Variants in PTPDC1 observed in about 807,000 individuals in gnomAD.
PTPDC1 encodes protein tyrosine phosphatase domain containing 1, also known as protein tyrosine phosphatase domain-containing protein 1.
PTPDC1 carries 53 observed loss-of-function variants against 75.3 expected under a neutral mutation model. The ratio of observed to expected loss-of-function variants is 0.70; its 90% CI spans 0.56 to 0.88. The LOEUF (loss-of-function observed/expected upper bound fraction) is 0.88. PTPDC1 is among the 40% of genes least tolerant of loss of function. PTPDC1 has a pLI of 0.00. For missense variants in PTPDC1, 925 were observed against 998.6 expected (o/e 0.93, Z 0.99); for synonymous variants, 349 against 366.2 (o/e 0.95, Z 0.54).
At chr9:94,096,148 T>C (rs1827557486) in intron 5 of PTPDC1, among the ~76,000 whole-genome samples, 1 of 152,222 alleles carries the variant, frequency 6.6e-6, no homozygotes, top group Non-Finnish European at 1.5e-5. Context: ...ATGAAGGCCG[T>C]AGGGCTGAAA....
intron 1 of PTPDC1, among the ~76,000 whole-genome samples, chr9:94,046,412 T>C (rs572492711): frequency 7.1e-4 from 108 of 152,332 alleles, no homozygotes; most frequent in African/African-American, 2.6e-3. Flanking sequence ...GGGGATGGCA[T>C]TGAATCTATA....
At chr9:94,077,349 G>T (rs1826729122) in intron 2 of PTPDC1, among the ~76,000 whole-genome samples, 3 of 152,156 alleles carry the variant, frequency 2.0e-5, no homozygotes, top group Admixed American at 1.3e-4. Context: ...GATAGTGTCA[G>T]ATCCAACAGG....
chr9:94,053,931 C>T lies in PTPDC1; in HGVS notation c.-6-10803C>T, dbSNP rs142863939. 2.1e-3 allele frequency among the ~76,000 whole-genome samples: 325 copies of T among 152,254 alleles called. 1 individual carries two copies. The highest frequency in any genetic ancestry group is 4.9e-4 in the Non-Finnish European group (33 of 68,018). On this transcript the variant is annotated intron_variant, in intron 1 of 9. Coordinates refer to the PTPDC1 transcript ENST00000375360. Reference sequence around the variant, plus strand: ...GTTCCTACCTTACAGATGAAAAAGCCGGCATTCAGAGAGATTAAGTGATGA... The same window carrying T: ...GTTCCTACCTTACAGATGAAAAAGCTGGCATTCAGAGAGATTAAGTGATGA...
In PTPDC1 at chr9:94,104,281, C is replaced by G. The variant is rs777493700; in HGVS notation, c.2206C>G (p.His736Asp). ...TTGATTTCTACAAAAACAGGGACAG[C>G]ACCAGACTATTCTCTGCGTGTTGCA... is the stretch of plus-strand genomic sequence containing the variant. ...EALFLLEKGQ[H>D]QTILCVLHCI... The change falls in exon 8 of 9, where the codon CAC (histidine) becomes GAC (aspartate). Residue 736 changes from histidine to aspartate, a missense_variant. Transcript: ENST00000620992. 6.2e-7 allele frequency: 1 copy of G among 1,611,294 alleles called. No homozygotes were observed. Among genetic ancestry groups the G allele is most frequent in the East Asian group, 2.2e-5 (1 of 44,848 alleles).
chr9:94,104,202 T>A, intron 7 of PTPDC1, 73 bp from the exon 8 acceptor site: 1 of 967,656 alleles, frequency 1.0e-6, no homozygotes, highest in Non-Finnish European at 1.6e-6. Context: ...TTCTTGACTC[T>A]ACGATAGTTT....
intron 2 of PTPDC1, among the ~76,000 whole-genome samples, chr9:94,077,447 G>T (rs1301703446): frequency 5.3e-5 from 8 of 152,270 alleles, no homozygotes; most frequent in African/African-American, 1.9e-4. Flanking sequence ...TGACTGACTG[G>T]CTATAAATTG....
At chr9:94,061,667 G>T (rs1826143459) in intron 1 of PTPDC1, among the ~76,000 whole-genome samples, 1 of 152,370 alleles carries the variant, frequency 6.6e-6, no homozygotes, top group East Asian at 1.9e-4. Context: ...CTTACGGCCT[G>T]CACCTTCTTA....
At chr9:94,077,618 T>C (rs1826737986) in intron 2 of PTPDC1, among the ~76,000 whole-genome samples, 1 of 152,232 alleles carries the variant, frequency 6.6e-6, no homozygotes, top group African/African-American at 2.4e-5. Flanking sequence ...AGAGCATCCA[T>C]GCTGACCCCA....
At chr9:94,079,969 C>T (rs149126377), upstream of PTPDC1, among the ~76,000 whole-genome samples, 37 of 152,300 alleles carry the variant, frequency 2.4e-4, no homozygotes, top group African/African-American at 6.7e-4. Flanking sequence ...CCAGCAGTGG[C>T]GAAGCCTGAG....
At chr9:94,103,033 C>T (rs761795851) in intron 7 of PTPDC1, among the ~76,000 whole-genome samples, 1 of 143,658 alleles carries the variant, frequency 7.0e-6, no homozygotes, top group Non-Finnish European at 1.5e-5. Context: ...GACACATGGA[C>T]GGATGCACAT....
intron 8 of PTPDC1, among the ~76,000 whole-genome samples, chr9:94,106,971 T>G (rs1828045432): frequency 6.6e-6 from 1 of 152,076 alleles, no homozygotes; most frequent in South Asian, 2.1e-4. Context: ...GTTTGTTTTT[T>G]GAGACAAGGT....
upstream of PTPDC1, among the ~76,000 whole-genome samples, chr9:94,082,623 G>T (rs1474457192): frequency 6.6e-6 from 1 of 152,160 alleles, no homozygotes; most frequent in Non-Finnish European, 1.5e-5. Context: ...CCTCATCAAT[G>T]CAAGGTATAT....
At chr9:94,086,429 A>T (rs910701982) in intron 2 of PTPDC1, among the ~76,000 whole-genome samples, 7 of 152,142 alleles carry the variant, frequency 4.6e-5, no homozygotes, top group Non-Finnish European at 1.0e-4. Flanking sequence ...ATCTTACACT[A>T]ATTATCACTG....
At chr9:94,091,851 A>G (rs1827334947) in intron 4 of PTPDC1, among the ~76,000 whole-genome samples, 1 of 151,846 alleles carries the variant, frequency 6.6e-6, no homozygotes, top group African/African-American at 2.4e-5. Context: ...TTTCTTCTAG[A>G]TTTTCTAGTT....
intron 1 of PTPDC1, among the ~76,000 whole-genome samples, chr9:94,032,413 G>A (rs944203196): frequency 2.0e-5 from 3 of 152,144 alleles, no homozygotes; most frequent in African/African-American, 7.2e-5. Flanking sequence ...CAAAGTCTTC[G>A]TGGGGTTGTA....
intron 2 of PTPDC1, among the ~76,000 whole-genome samples, chr9:94,076,460 C>T (rs1385886417): frequency 6.6e-6 from 1 of 152,140 alleles, no homozygotes; most frequent in African/African-American, 2.4e-5. Flanking sequence ...TTGTGATTGG[C>T]TTTTTTCACT....
chr9:94,105,381 T>C (rs762857456), intron 8 of PTPDC1, among the ~76,000 whole-genome samples: 2 of 152,186 alleles, frequency 1.3e-5, no homozygotes, highest in Non-Finnish European at 2.9e-5. Flanking sequence ...TTTAAGAAAG[T>C]AAACAGAGCT....
At chr9:94,075,885 T>C (rs943794780) in intron 2 of PTPDC1, among the ~76,000 whole-genome samples, 5 of 152,190 alleles carry the variant, frequency 3.3e-5, no homozygotes, top group African/African-American at 1.2e-4. Flanking sequence ...CAATCCAGTG[T>C]TTTTAGAACA....
At chr9:94,094,782 C>A (rs73620466) in intron 4 of PTPDC1, among the ~76,000 whole-genome samples, 12 of 152,322 alleles carry the variant, frequency 7.9e-5, no homozygotes, top group African/African-American at 2.6e-4. Flanking sequence ...TCTTGTGGTG[C>A]GCAGTTTTTT....
Sources: gnomAD v4.1 joint callset for allele counts (sites outside exome capture counted in the v4.1 genomes callset) on GRCh38, gnomAD v4.1.1 for gene constraint, MANE v1.5 for transcripts, NCBI Gene and HGNC (gene_info 2026-07-23, HGNC 2026-07-21) for gene names.